The following STAM2 variants were observed in gnomAD, a reference collection of about 807,000 sequenced individuals.
STAM2 encodes signal transducing adapter molecule 2.
STAM2 carries 51 observed loss-of-function variants against 65.6 expected under a neutral mutation model. That is an observed-to-expected ratio of 0.78 (90% CI 0.62 to 0.98). STAM2 has a LOEUF of 0.98. STAM2 is among the 50% of genes least tolerant of loss of function. The pLI is 0.00. For missense variants in STAM2, 584 were observed against 617.8 expected (o/e 0.95, Z 0.58); for synonymous variants, 198 against 208.4 (o/e 0.95, Z 0.43).
Position 152,117,374 on chromosome 2 carries a change from G to C in STAM2, c.*3200C>G, listed in dbSNP as rs1030033887. The C allele has an allele frequency of 6.6e-6, 1 of 152,062 alleles. No homozygotes were observed. The highest frequency in any genetic ancestry group is 1.5e-5 in the Non-Finnish European group (1 of 68,040). The allele number at this position is 152,062 out of a possible 1,614,324, so 9.4% of individuals were successfully genotyped here. On this transcript the variant is annotated 3_prime_UTR_variant, in exon 14 of 14. Coordinates refer to ENST00000263904, the MANE Select transcript of STAM2 (RefSeq NM_005843.6). The stretch of plus-strand genomic sequence containing the variant: ...AGGGTCTTGCCATGTTGCCAGGTTG[G>C]TCTCAAACTCCTAGCCTCAAGCAAT...
At position 152,159,881 on chromosome 2, in the gene STAM2, G is replaced by A. The variant is rs572308453; in HGVS notation, c.41-9652C>T. ...GTGCCTGCGATTGCAGGCGCGCGCCGCCACGCCTGACTGGTTTTCCTATTT... is the reference window on the plus strand; with the variant it reads ...GTGCCTGCGATTGCAGGCGCGCGCCACCACGCCTGACTGGTTTTCCTATTT... On this transcript the variant is annotated intron_variant, in intron 1 of 13. Transcript: ENST00000263904. Among the ~76,000 whole-genome samples the A allele has an allele frequency of 2.8e-3, 423 of 152,322 alleles. 2 individuals carry two copies. The highest frequency in any genetic ancestry group is 4.8e-3 in the Non-Finnish European group (324 of 68,026).
rs184318911 is a variant in STAM2, at chr2:152,139,475, T to G, written c.705-3872A>C. Among the ~76,000 whole-genome samples, 79 of 152,292 alleles carry G rather than the reference T, an allele frequency of 5.2e-4. 1 individual carries two copies. The highest frequency in any genetic ancestry group is 3.2e-4 in the Non-Finnish European group (22 of 68,020). ...AGGAGGCTGAGGGAGGAGGCCTGCT[T>G]GAGGCCAGGAGTCCAGGCTGTAGCG... On this transcript the variant is annotated intron_variant, in intron 7 of 13. Transcript: ENST00000263904.
chr2:152,126,154 G>A, intron 12 of STAM2, 72 bp downstream of exon 12: 1 of 1,255,910 alleles, frequency 8.0e-7, no homozygotes, highest in Non-Finnish European at 1.1e-6. Context: ...TTAATACTAT[G>A]CTATAAAACA....
At chr2:152,161,394 A>G (rs1689674497) in intron 1 of STAM2, among the ~76,000 whole-genome samples, 1 of 150,262 alleles carries the variant, frequency 6.7e-6, no homozygotes, top group Admixed American at 6.7e-5. Context: ...TAGGAAAACC[A>G]GAGACCTTTG....
intron 1 of STAM2, among the ~76,000 whole-genome samples, chr2:152,151,302 C>T (rs902665522): frequency 6.6e-6 from 1 of 151,928 alleles, no homozygotes; most frequent in Non-Finnish European, 1.5e-5. Flanking sequence ...CTGCCTCAGC[C>T]GCCTGAGTAG....
In STAM2 at chr2:152,133,418, G is replaced by A. The variant is rs146836019; in HGVS notation, c.866C>T (p.Pro289Leu). ...VEEIKKSEPE[P>L]VYIDEDKMDR... ...GGACCCTACCTCATCTATATAAACA[G>A]GCTCAGGCTCTGATTTCTTAATTTC... Residue 289 changes from proline (P) to leucine (L), a missense_variant, in exon 9 of 14, where the codon CCT (proline) becomes CTT (leucine). Pro to Leu is a moderately conservative substitution (Grantham distance 98). Coordinates refer to ENST00000263904, the MANE Select transcript of STAM2 (RefSeq NM_005843.6). 383 of 1,612,298 alleles carry A rather than the reference G, an allele frequency of 2.4e-4. 2 individuals carry two copies. Among genetic ancestry groups the A allele is most frequent in the Non-Finnish European group, 2.9e-5 (34 of 1,179,052 alleles).
At chr2:152,173,641 C>A (rs1689946185) in intron 1 of STAM2, among the ~76,000 whole-genome samples, 2 of 152,084 alleles carry the variant, frequency 1.3e-5, no homozygotes, top group Admixed American at 1.3e-4. Context: ...CAGTGATTTA[C>A]CCGCCTCGGC....
chr2:152,167,035 AATTACACTAAATATGAGGG>A (rs1402824673), intron 1 of STAM2, among the ~76,000 whole-genome samples: 4 of 152,356 alleles, frequency 2.6e-5, no homozygotes, highest in Admixed American at 6.5e-5. Flanking sequence ...ATCATTTAAA[AATTACACTAAATATGAGGG>A]AGACTGTACA....
At chr2:152,144,132 TACAG>T in intron 6 of STAM2, 119 bp from the exon 7 acceptor site, 1 of 679,528 alleles carries the variant, frequency 1.5e-6, no homozygotes, top group East Asian at 3.9e-5. Flanking sequence ...AATTACATGC[TACAG>T]TTAACTTTCG....
In STAM2 at chr2:152,123,931, T is replaced by C; in HGVS notation, c.1184A>G (p.Tyr395Cys). ...GTTTCCACCATGTGATTGAACTGGA[T>C]ATGTCTATTAATCAGAAAGAAAAAG... ...PASSGVPMQT[Y>C]PVQSHGGNYM... The change falls in exon 13 of 14, where the codon TAT becomes TGT. Residue 395 changes from tyrosine to cysteine, a missense_variant. Coordinates refer to ENST00000263904, the MANE Select transcript of STAM2 (RefSeq NM_005843.6). The C allele has an allele frequency of 6.2e-7, 1 of 1,613,372 alleles. No individual in the cohort carries two copies. Among genetic ancestry groups the C allele is most frequent in the Non-Finnish European group, 8.5e-7 (1 of 1,179,764 alleles).
chr2:152,145,193 C>T (rs1689315736), intron 5 of STAM2, among the ~76,000 whole-genome samples: 2 of 152,118 alleles, frequency 1.3e-5, no homozygotes, highest in African/African-American at 4.8e-5. Context: ...GCCTCAGCCT[C>T]CTGGGAAGCC....
At chr2:152,142,166 C>T (rs1370898966) in intron 7 of STAM2, among the ~76,000 whole-genome samples, 3 of 152,174 alleles carry the variant, frequency 2.0e-5, no homozygotes, top group Non-Finnish European at 4.4e-5. Flanking sequence ...GTCCTATCGT[C>T]AAAATGACAG....
In STAM2 at chr2:152,118,768, G is replaced by C. The variant is rs921095506; in HGVS notation, c.*1806C>G. 2.0e-5 allele frequency: 3 copies of C among 151,728 alleles called. No homozygotes were observed. The highest frequency in any genetic ancestry group is 7.3e-5 in the African/African-American group (3 of 41,332). The allele number at this position is 151,728 out of a possible 1,614,324, so 9.4% of individuals were successfully genotyped here. On this transcript the variant is annotated 3_prime_UTR_variant, in exon 14 of 14. Transcript: ENST00000263904. ...AGAAGATTTGTTTCCAAAAAGTAAGGTGCCATTCAGAAGTATATAATTGAA... is the reference window on the plus strand; with the variant it reads ...AGAAGATTTGTTTCCAAAAAGTAAGCTGCCATTCAGAAGTATATAATTGAA...
intron 2 of STAM2, among the ~76,000 whole-genome samples, chr2:152,149,296 T>C (rs866333510): frequency 5.3e-5 from 8 of 152,180 alleles, no homozygotes; most frequent in African/African-American, 1.9e-4. Context: ...TGTGTTACTA[T>C]AGCAGATTTT....
At chr2:152,154,178 A>T (rs913963089) in intron 1 of STAM2, among the ~76,000 whole-genome samples, 1 of 152,230 alleles carries the variant, frequency 6.6e-6, no homozygotes, top group Non-Finnish European at 1.5e-5. Flanking sequence ...AAGGCTCTGC[A>T]TAACTTATTC....
At chr2:152,145,573 G>T (rs1030298459) in intron 5 of STAM2, among the ~76,000 whole-genome samples, 2 of 152,144 alleles carry the variant, frequency 1.3e-5, no homozygotes, top group Non-Finnish European at 2.9e-5. Flanking sequence ...TTGTATTCCC[G>T]ATCTCAATTG....
At chr2:152,133,507 A>G in intron 8 of STAM2, 23 bp from the exon 9 acceptor site, 2 of 1,581,122 alleles carry the variant, frequency 1.3e-6, no homozygotes, top group Non-Finnish European at 1.7e-6. Context: ...AGTAATTTTA[A>G]GTTCCTCAGC....
intron 1 of STAM2, among the ~76,000 whole-genome samples, chr2:152,165,179 A>G (rs1249166828): frequency 1.3e-5 from 2 of 152,176 alleles, no homozygotes; most frequent in Non-Finnish European, 2.9e-5. Context: ...CAATCCCAGC[A>G]CTTTGGGAGG....
chr2:152,161,789 A>G (rs1026331232), intron 1 of STAM2, among the ~76,000 whole-genome samples: 4 of 152,048 alleles, frequency 2.6e-5, no homozygotes, highest in African/African-American at 7.2e-5. Context: ...AGCAATACAC[A>G]TAGTTCTTAA....
Sources: gnomAD v4.1 joint callset for allele counts (sites outside exome capture counted in the v4.1 genomes callset) on GRCh38, gnomAD v4.1.1 for gene constraint, MANE v1.5 for transcripts, NCBI Gene and HGNC (gene_info 2026-07-23, HGNC 2026-07-21) for gene names.